Variants in PRELP observed in about 807,000 individuals in gnomAD.
The protein encoded by PRELP is proline and arginine rich end leucine rich repeat protein.
In PRELP, 16 loss-of-function variants were observed where a neutral mutation model predicts 22.8. The ratio of observed to expected loss-of-function variants is 0.70; its 90% CI spans 0.47 to 1.06. The LOEUF (loss-of-function observed/expected upper bound fraction) is 1.06, where lower values mean the gene tolerates loss of function less well. Among genes scored for constraint, PRELP ranks in the 50% least tolerant of loss-of-function variants. The pLI is 0.00. For synonymous variants in PRELP, 233 were observed against 211.4 expected (o/e 1.10, Z -0.89); for missense variants, 434 against 485.2 (o/e 0.89, Z 0.99).
rs2794443 is a variant in PRELP, at chr1:203,484,669, C to T, written c.973+512C>T. Among the ~76,000 whole-genome samples, 741 of 152,320 alleles carry T rather than the reference C, an allele frequency of 4.9e-3. 4 individuals are homozygous for T. Among genetic ancestry groups the T allele is most frequent in the African/African-American group, 0.017 (712 of 41,572 alleles). Reference sequence around the variant, plus strand: ...CCAAGCCTGAGCCTGGGTTTTGATTCAGGGTATGCAACTGGTAAAAATGTG... The same window carrying T: ...CCAAGCCTGAGCCTGGGTTTTGATTTAGGGTATGCAACTGGTAAAAATGTG... On this transcript the variant is annotated intron_variant, in intron 2 of 2. Coordinates refer to ENST00000343110, the MANE Select transcript of PRELP (RefSeq NM_002725.4).
rs1230785878 is a variant in PRELP, at chr1:203,483,229, C to T, written c.45C>T (p.Ala15=). The T allele has an allele frequency of 6.3e-7, 1 of 1,577,330 alleles. No individual in the cohort carries two copies. Among genetic ancestry groups the T allele is most frequent in the East Asian group, 2.2e-5 (1 of 44,514 alleles). Residue 15 remains alanine, a synonymous_variant, in exon 2 of 3, where the codon GCC becomes GCT. Transcript: ENST00000343110. This position sits in a 1 kb window ranked among gnomAD's most constrained non-coding sequence, Gnocchi z 4.4. ...LCWLLPLLIL[A]SVAQGQPTRR... is the part of the protein sequence containing the mutation. ...GGCTCCTCCCACTTCTCATCTTGGCCTCAGTGGCCCAAGGCCAGCCAACAA... is the reference window on the plus strand; with the variant it reads ...GGCTCCTCCCACTTCTCATCTTGGCTTCAGTGGCCCAAGGCCAGCCAACAA...
intron 1 of PRELP, among the ~76,000 whole-genome samples, chr1:203,482,884 C>CTA: frequency 1.3e-5 from 2 of 152,124 alleles, no homozygotes; most frequent in Non-Finnish European, 2.9e-5. Flanking sequence ...GTGTGAGCCA[C>CTA]CGCACCTGGC....
At chr1:203,481,589 G>T (rs2102207247) in intron 1 of PRELP, among the ~76,000 whole-genome samples, 1 of 152,326 alleles carries the variant, frequency 6.6e-6, no homozygotes, top group East Asian at 1.9e-4. Flanking sequence ...CCTTGGAGAG[G>T]CCTGCCTTGG....
Position 203,486,897 on chromosome 1 carries a change from C to A in PRELP, c.*16C>A. On this transcript the variant is annotated 3_prime_UTR_variant, in exon 3 of 3. Coordinates refer to ENST00000343110, the MANE Select transcript of PRELP (RefSeq NM_002725.4). ...GGTCATCTAGGCCCTACTCCGCCAC[C>A]GGATCTGCTCTGACCGCACTTGAAG... is the stretch of plus-strand genomic sequence containing the variant. 6.2e-7 allele frequency: 1 copy of A among 1,604,728 alleles called. No homozygotes were observed. Among genetic ancestry groups the A allele is most frequent in the South Asian group, 1.1e-5 (1 of 89,996 alleles).
At chr1:203,477,750 C>T (rs1417590493) in intron 1 of PRELP, among the ~76,000 whole-genome samples, 1 of 100,604 alleles carries the variant, frequency 9.9e-6, no homozygotes, top group East Asian at 4.0e-4. Flanking sequence ...AGTCAAGAAT[C>T]GCAGTGGAAC....
intron 2 of PRELP, 110 bp downstream of exon 2, chr1:203,484,267 T>C: frequency 6.9e-7 from 1 of 1,450,280 alleles, no homozygotes; most frequent in Non-Finnish European, 9.2e-7. Flanking sequence ...GCATCCACTT[T>C]GGCACTGGAC....
At chr1:203,476,781 A>T (rs1660918404) in intron 1 of PRELP, among the ~76,000 whole-genome samples, 2 of 152,064 alleles carry the variant, frequency 1.3e-5, no homozygotes, top group African/African-American at 4.8e-5. Context: ...GAAGAAAGCG[A>T]CCCAGTTCCC....
In PRELP at chr1:203,487,070, T is replaced by G; in HGVS notation, c.*189T>G. On this transcript the variant is annotated 3_prime_UTR_variant, in exon 3 of 3. Transcript: ENST00000343110. ...GGAGCGAGACTTCAAGGACTCAGTT[T>G]GGTTCCACCCAGTTGAAAGACACCC... 5 of 666,018 alleles carry G rather than the reference T, an allele frequency of 7.5e-6. No homozygotes were observed. The highest frequency in any genetic ancestry group is 2.9e-5 in the East Asian group (1 of 34,584). 41.3% of individuals were successfully genotyped at this position (666,018 alleles called of 1,614,324 possible).
In PRELP at chr1:203,483,329, C is replaced by A. The variant is rs779536648; in HGVS notation, c.145C>A (p.Pro49Thr). The change falls in exon 2 of 3, where the codon CCT becomes ACT. Residue 49 changes from proline (P) to threonine (T), a missense_variant. Physicochemically the swap from Pro to Thr is conservative, Grantham distance 38. Coordinates refer to ENST00000343110, the MANE Select transcript of PRELP (RefSeq NM_002725.4). The surrounding 1 kb of genome is among the most constrained non-coding windows in gnomAD (Gnocchi z 4.4). ...CAGGCCCACACCCAGCTTTCCTCAG[C>A]CTGATGAACCAGCAGAGCCAACAGA... ...RPRPTPSFPQ[P>T]DEPAEPTDLP... The A allele has an allele frequency of 6.2e-7, 1 of 1,614,120 alleles. No individual in the cohort carries two copies. The highest frequency in any genetic ancestry group is 8.5e-7 in the Non-Finnish European group (1 of 1,180,020).
In PRELP at chr1:203,487,282, C is replaced by T. The variant is rs904959748; in HGVS notation, c.*401C>T. 6.3e-6 allele frequency: 1 copy of T among 157,862 alleles called. No individual in the cohort carries two copies. The highest frequency in any genetic ancestry group is 1.4e-5 in the Non-Finnish European group (1 of 71,744). The allele number at this position is 157,862 out of a possible 1,614,324, so 9.8% of individuals were successfully genotyped here. A position where few individuals can be genotyped will look rare whatever the true frequency, so the allele number is the denominator to read the frequency against. ...CCCGGAGGTAAGGTTCAGAAAGTCC[C>T]CCTGGGGACTCCTCCATCTTCGGCA... On this transcript the variant is annotated 3_prime_UTR_variant, in exon 3 of 3. Coordinates refer to ENST00000343110, the MANE Select transcript of PRELP (RefSeq NM_002725.4).
At chr1:203,476,698 C>T (rs1378961898) in intron 1 of PRELP, among the ~76,000 whole-genome samples, 2 of 152,112 alleles carry the variant, frequency 1.3e-5, no homozygotes, top group African/African-American at 4.8e-5. Flanking sequence ...CTTTTTCCAA[C>T]CTGCACAGTG....
In PRELP at chr1:203,490,943, A is replaced by G. The variant is rs966860119; in HGVS notation, c.*4062A>G. ...TAAAGGGAAAGAAATCCATGAATGG[A>G]TACCTCTGTGTCCTAAGTGTTTGTA... On this transcript the variant is annotated 3_prime_UTR_variant, in exon 3 of 3. Coordinates refer to ENST00000343110, the MANE Select transcript of PRELP (RefSeq NM_002725.4). 9 of 152,270 alleles carry G rather than the reference A, an allele frequency of 5.9e-5. No homozygotes were observed. Among genetic ancestry groups the G allele is most frequent in the African/African-American group, 2.2e-4 (9 of 41,452 alleles). 9.4% of individuals were successfully genotyped at this position (152,270 alleles called of 1,614,324 possible).
intron 2 of PRELP, among the ~76,000 whole-genome samples, chr1:203,484,752 C>T (rs1571587639): frequency 1.3e-5 from 2 of 152,042 alleles, no homozygotes; most frequent in African/African-American, 2.4e-5. Context: ...TGGAAGGGTG[C>T]GATGTTTAGG....
intron 1 of PRELP, among the ~76,000 whole-genome samples, chr1:203,478,611 T>C (rs1660949734): frequency 2.6e-5 from 4 of 152,126 alleles, no homozygotes; most frequent in Admixed American, 2.6e-4. Flanking sequence ...ATAGGGAAGA[T>C]TTTTTTATTC....
chr1:203,482,286 T>C (rs568204787), intron 1 of PRELP, among the ~76,000 whole-genome samples: 39 of 151,796 alleles, frequency 2.6e-4, no homozygotes, highest in South Asian at 2.3e-3. Context: ...TTCTTTCTTT[T>C]TTTTTTTTTG....
chr1:203,477,557 G>C (rs949605653), intron 1 of PRELP, among the ~76,000 whole-genome samples: 1 of 152,002 alleles, frequency 6.6e-6, no homozygotes, highest in Non-Finnish European at 1.5e-5. Context: ...AGCATGTGCT[G>C]GGCCCTTCCC....
At chr1:203,479,704 A>AT (rs1163039259) in intron 1 of PRELP, among the ~76,000 whole-genome samples, 1 of 85,126 alleles carries the variant, frequency 1.2e-5, no homozygotes, top group Non-Finnish European at 2.1e-5. Flanking sequence ...ACCCTGTATC[A>AT]CCAAAAAAAA....
chr1:203,479,702 T>A (rs1660966739), intron 1 of PRELP, among the ~76,000 whole-genome samples: 1 of 69,488 alleles, frequency 1.4e-5, no homozygotes, highest in Non-Finnish European at 2.4e-5. Flanking sequence ...AGACCCTGTA[T>A]CACCAAAAAA....
intron 1 of PRELP, among the ~76,000 whole-genome samples, chr1:203,480,394 T>C (rs1385833063): frequency 6.6e-6 from 1 of 152,150 alleles, no homozygotes. Context: ...GGACAGAAGT[T>C]TCTAGAAGGC....
Sources: allele counts gnomAD v4.1 joint callset (sites outside exome capture counted in the v4.1 genomes callset), GRCh38; gene constraint gnomAD v4.1.1; non-coding constraint Gnocchi (gnomAD v3.1); transcripts MANE v1.5; gene names NCBI Gene and HGNC (gene_info 2026-07-23, HGNC 2026-07-21).